CPXM2: variants seen among roughly 807,000 people sequenced by gnomAD.
CPXM2 encodes the protein carboxypeptidase X, M14 family member 2.
CPXM2 carries 66 observed loss-of-function variants against 86.1 expected under a neutral mutation model. The observed-to-expected ratio is 0.77, with a 90% CI of 0.63 to 0.94. The LOEUF (loss-of-function observed/expected upper bound fraction) is 0.94. Among genes scored for constraint, CPXM2 ranks in the 40% least tolerant of loss-of-function variants. CPXM2 has a pLI of 0.00. For missense variants in CPXM2, 948 were observed against 1,026.3 expected (o/e 0.92, Z 1.04); for synonymous variants, 388 against 400.2 (o/e 0.97, Z 0.36).
At chr10:123,768,018 C>A (rs1846524740) in intron 9 of CPXM2, among the ~76,000 whole-genome samples, 1 of 152,230 alleles carries the variant, frequency 6.6e-6, no homozygotes. Flanking sequence ...CTCAAGGCCA[C>A]CATCATTCTC....
intron 2 of CPXM2, among the ~76,000 whole-genome samples, chr10:123,910,154 C>T (rs77065818): frequency 6.6e-6 from 1 of 152,156 alleles, no homozygotes; most frequent in East Asian, 1.9e-4. Context: ...CGAGCTGGCC[C>T]ACCTGCACAT....
intron 2 of CPXM2, among the ~76,000 whole-genome samples, chr10:123,926,047 G>C (rs1452050067): frequency 6.6e-6 from 1 of 152,202 alleles, no homozygotes; most frequent in East Asian, 1.9e-4. Context: ...CATGTCCCAA[G>C]CCTGCCCTCT....
chr10:123,765,494 T>C (rs936465787), intron 10 of CPXM2, among the ~76,000 whole-genome samples: 3 of 152,260 alleles, frequency 2.0e-5, no homozygotes, highest in Non-Finnish European at 2.9e-5. Flanking sequence ...ATTCCAATTT[T>C]GGTCTAAGTG....
At chr10:123,767,877 T>G (rs533738993) in intron 9 of CPXM2, among the ~76,000 whole-genome samples, 8 of 152,314 alleles carry the variant, frequency 5.3e-5, no homozygotes, top group African/African-American at 1.7e-4. Context: ...AAGGTAATAA[T>G]CAAGGCTAAC....
At chr10:123,828,186 GA>G (rs1183734869) in intron 4 of CPXM2, among the ~76,000 whole-genome samples, 2 of 139,154 alleles carry the variant, frequency 1.4e-5, no homozygotes, top group East Asian at 1.9e-4. Flanking sequence ...AAAGAAAAAA[GA>G]AAAAAAGTTA....
chr10:123,782,093 A>G (rs1415421826), intron 6 of CPXM2, among the ~76,000 whole-genome samples: 1 of 152,250 alleles, frequency 6.6e-6, no homozygotes, highest in Admixed American at 6.5e-5. Flanking sequence ...TTTTGTCCAC[A>G]CAAGAAAGCA....
intron 2 of CPXM2, among the ~76,000 whole-genome samples, chr10:123,916,980 G>A (rs141460287): frequency 3.3e-5 from 5 of 152,192 alleles, no homozygotes; most frequent in African/African-American, 9.6e-5. Context: ...TGCTGGAGGG[G>A]GTGAGTAGGG....
chr10:123,851,416 C>T (rs1848595001), intron 3 of CPXM2, among the ~76,000 whole-genome samples: 1 of 152,148 alleles, frequency 6.6e-6, no homozygotes, highest in Non-Finnish European at 1.5e-5. Flanking sequence ...TTGTGTTCCC[C>T]CTCTCCAAAA....
chr10:123,901,386 C>T (rs1048747022), intron 2 of CPXM2, among the ~76,000 whole-genome samples: 1 of 150,260 alleles, frequency 6.7e-6, no homozygotes, highest in Non-Finnish European at 1.5e-5. Flanking sequence ...GAAGGAGCTC[C>T]TGGGAGCAGC....
chr10:123,824,414 T>TTCCTTCAA (rs1482297904), intron 4 of CPXM2, among the ~76,000 whole-genome samples: 2 of 152,208 alleles, frequency 1.3e-5, no homozygotes, highest in Non-Finnish European at 2.9e-5. Flanking sequence ...GGCTCAACCA[T>TTCCTTCAA]TCCTTCAACC....
intron 2 of CPXM2, among the ~76,000 whole-genome samples, chr10:123,867,434 AT>A (rs1944808954): frequency 6.6e-6 from 1 of 152,050 alleles, no homozygotes; most frequent in African/African-American, 2.4e-5. Context: ...CTCATGCTTA[AT>A]ATTTCACTCT....
At chr10:123,848,065 A>G (rs1274521224) in intron 3 of CPXM2, among the ~76,000 whole-genome samples, 1 of 152,252 alleles carries the variant, frequency 6.6e-6, no homozygotes, top group Non-Finnish European at 1.5e-5. Context: ...AGTGATAGTT[A>G]TTTTAAAATA....
intron 11 of CPXM2, among the ~76,000 whole-genome samples, chr10:123,760,219 C>T (rs896935855): frequency 4.6e-5 from 7 of 152,172 alleles, no homozygotes; most frequent in African/African-American, 1.7e-4. Context: ...CTGCGGAATC[C>T]AGGTGTGCCC....
At chr10:123,825,948 C>T (rs932401574) in intron 4 of CPXM2, among the ~76,000 whole-genome samples, 14 of 152,118 alleles carry the variant, frequency 9.2e-5, no homozygotes, top group African/African-American at 3.1e-4. Context: ...CCTCACACCC[C>T]TCAGCTGGCT....
At chr10:123,857,635 T>TGGAGACGGAAGGCGGCGTGGAGAC (rs1564800664) in intron 3 of CPXM2, among the ~76,000 whole-genome samples, 1 of 90,538 alleles carries the variant, frequency 1.1e-5, no homozygotes, top group African/African-American at 4.4e-5. Flanking sequence ...GGCGTGGAGA[T>TGGAGACGGAAGGCGGCGTGGAGAC]GGAAGGCGGC....
At chr10:123,799,088 C>T (rs1847398261) in intron 5 of CPXM2, 27 bp downstream of exon 5, 3 of 1,613,072 alleles carry the variant, frequency 1.9e-6, no homozygotes, top group Admixed American at 3.3e-5. Flanking sequence ...GGAAGAAAGG[C>T]ATGGTTAAAT....
chr10:123,815,351 G>A (rs1847791822), intron 4 of CPXM2, among the ~76,000 whole-genome samples: 1 of 152,154 alleles, frequency 6.6e-6, no homozygotes, highest in Non-Finnish European at 1.5e-5. Flanking sequence ...TCATGTGAGT[G>A]GCTGACCTGC....
chr10:123,828,208 A>C (rs1194600447), intron 4 of CPXM2, among the ~76,000 whole-genome samples: 2 of 152,192 alleles, frequency 1.3e-5, no homozygotes, highest in African/African-American at 4.8e-5. Context: ...AAGAAAGAGA[A>C]ATAAAACCAT....
At chr10:123,908,551 C>A (rs1282878571) in intron 2 of CPXM2, among the ~76,000 whole-genome samples, 1 of 152,112 alleles carries the variant, frequency 6.6e-6, no homozygotes, top group African/African-American at 2.4e-5. Flanking sequence ...AGATGAGGAC[C>A]ACCCTCCCAG....
Sources: allele counts gnomAD v4.1 joint callset (sites outside exome capture counted in the v4.1 genomes callset), GRCh38; gene constraint gnomAD v4.1.1; transcripts MANE v1.5; gene names NCBI Gene and HGNC (gene_info 2026-07-23, HGNC 2026-07-21).